Variants in CDKAL1 observed in about 807,000 individuals in gnomAD.
CDKAL1 encodes CDKAL1 threonylcarbamoyladenosine tRNA methylthiotransferase.
CDKAL1 carries 32 observed loss-of-function variants against 68.2 expected under a neutral mutation model. The observed-to-expected ratio is 0.47, with a 90% confidence interval of 0.35 to 0.63. CDKAL1 has a LOEUF of 0.63. Among genes scored for constraint, CDKAL1 ranks in the 30% least tolerant of loss-of-function variants. The pLI, the probability that CDKAL1 is intolerant of heterozygous loss-of-function variation, is 0.00. For synonymous variants in CDKAL1, 234 were observed against 244.3 expected (o/e 0.96, Z 0.39); for missense variants, 606 against 696.7 (o/e 0.87, Z 1.47).
At chr6:20,996,390 C>A (rs1206864750) in intron 10 of CDKAL1, among the ~76,000 whole-genome samples, 1 of 152,192 alleles carries the variant, frequency 6.6e-6, no homozygotes, top group Non-Finnish European at 1.5e-5. Context: ...AAGGTTAATG[C>A]CTTCTAGCTT....
intron 11 of CDKAL1, among the ~76,000 whole-genome samples, chr6:21,052,543 T>TG (rs1298456448): frequency 4.0e-5 from 6 of 151,194 alleles, no homozygotes; most frequent in Non-Finnish European, 8.9e-5. Context: ...GGTTGTTTTT[T>TG]TTTTTTTTTT....
intron 9 of CDKAL1, among the ~76,000 whole-genome samples, chr6:20,885,967 G>T (rs1761047597): frequency 6.6e-6 from 1 of 151,954 alleles, no homozygotes; most frequent in Admixed American, 6.6e-5. Flanking sequence ...GAACCAGGAG[G>T]GAGAGGTTGC....
chr6:20,995,407 T>G (rs1767050335), intron 10 of CDKAL1, among the ~76,000 whole-genome samples: 1 of 152,214 alleles, frequency 6.6e-6, no homozygotes, highest in African/African-American at 2.4e-5. Flanking sequence ...AAAAATGTAT[T>G]TCTTATATAA....
chr6:21,179,560 G>A lies in CDKAL1; in HGVS notation c.1300-18461G>A, dbSNP rs182879641. 2.6e-3 allele frequency among the ~76,000 whole-genome samples: 402 copies of A among 152,190 alleles called. 1 individual carries two copies. Among genetic ancestry groups the A allele is most frequent in the Non-Finnish European group, 3.9e-3 (268 of 68,002 alleles). On this transcript the variant is annotated intron_variant, in intron 13 of 15. Coordinates refer to ENST00000274695, the MANE Select transcript of CDKAL1 (RefSeq NM_017774.3). ...GCTTTCTCTCAAGCTAAAGAATTTGGAAAGACTTGTTTATTCATTATATAT... is the reference window on the plus strand; with the variant it reads ...GCTTTCTCTCAAGCTAAAGAATTTGAAAAGACTTGTTTATTCATTATATAT...
intron 9 of CDKAL1, among the ~76,000 whole-genome samples, chr6:20,934,810 T>C (rs952922517): frequency 6.6e-6 from 1 of 152,030 alleles, no homozygotes; most frequent in Admixed American, 6.6e-5. Flanking sequence ...ATCACGCCAC[T>C]GTACTCCAGC....
Position 20,689,583 on chromosome 6 carries a change from G to A in CDKAL1, c.371+40206G>A, listed in dbSNP as rs931299188. Among the ~76,000 whole-genome samples the A allele has an allele frequency of 3.3e-5, 5 of 152,156 alleles. No homozygotes were observed. The East Asian group carries it at 9.6e-4, about 29-fold the overall frequency. ...TTCTCAGATGCTGAACTGGAAACCT[G>A]AAGTCCCCACAACCATTTTTAGGGG... On this transcript the variant is annotated intron_variant, in intron 5 of 15. Coordinates refer to ENST00000274695, the MANE Select transcript of CDKAL1 (RefSeq NM_017774.3).
chr6:20,554,810 G>T (rs1474313900), intron 4 of CDKAL1, among the ~76,000 whole-genome samples: 1 of 152,166 alleles, frequency 6.6e-6, no homozygotes, highest in Non-Finnish European at 1.5e-5. Context: ...TTAGTTTGCA[G>T]CCATGCCTGG....
chr6:20,828,480 C>A (rs2150457504), intron 8 of CDKAL1, among the ~76,000 whole-genome samples: 1 of 152,220 alleles, frequency 6.6e-6, no homozygotes, highest in Non-Finnish European at 1.5e-5. Flanking sequence ...CCACCTGCCT[C>A]AGCCTCCCAA....
At chr6:21,123,177 G>A (rs1422770385) in intron 13 of CDKAL1, among the ~76,000 whole-genome samples, 3 of 152,056 alleles carry the variant, frequency 2.0e-5, no homozygotes, top group Non-Finnish European at 2.9e-5. Flanking sequence ...ACAGTGGCTG[G>A]GCACGGCATT....
intron 11 of CDKAL1, 85 bp downstream of exon 11, chr6:21,000,457 A>G: frequency 8.4e-7 from 1 of 1,197,440 alleles, no homozygotes; most frequent in Non-Finnish European, 1.2e-6. Flanking sequence ...GCAGCCTTAC[A>G]ATTAAAGGTA....
At chr6:20,611,496 G>A (rs1766615453) in intron 4 of CDKAL1, among the ~76,000 whole-genome samples, 1 of 152,122 alleles carries the variant, frequency 6.6e-6, no homozygotes, top group Non-Finnish European at 1.5e-5. Context: ...CTGTGACCCA[G>A]AATGAACATG....
intron 9 of CDKAL1, among the ~76,000 whole-genome samples, chr6:20,850,787 G>A (rs1758964633): frequency 6.6e-6 from 1 of 152,144 alleles, no homozygotes; most frequent in African/African-American, 2.4e-5. Flanking sequence ...GAGACTAAAG[G>A]CTAACCCAAA....
intron 13 of CDKAL1, among the ~76,000 whole-genome samples, chr6:21,131,068 C>T (rs1377899079): frequency 6.6e-6 from 1 of 152,156 alleles, no homozygotes; most frequent in Non-Finnish European, 1.5e-5. Context: ...AAAACAGTTA[C>T]AAAACAGTAG....
chr6:21,149,897 A>G (rs2168985), intron 13 of CDKAL1, among the ~76,000 whole-genome samples: 53,350 of 151,902 alleles, frequency 0.35, 9,756 homozygotes, highest in African/African-American at 0.46. Flanking sequence ...TTGCTCTGGC[A>G]CCCAGGCTGG....
intron 4 of CDKAL1, among the ~76,000 whole-genome samples, chr6:20,646,048 AT>A (rs1171622769): frequency 5.7e-4 from 50 of 87,396 alleles, no homozygotes; most frequent in African/African-American, 7.8e-4. Flanking sequence ...TCACGGTTAA[AT>A]TTTTTTTTTT....
chr6:20,654,006 C>T (rs1260663500), intron 5 of CDKAL1, among the ~76,000 whole-genome samples: 1 of 152,168 alleles, frequency 6.6e-6, no homozygotes, highest in Non-Finnish European at 1.5e-5. Flanking sequence ...CTTGGCCTCC[C>T]AAAGTGTTGG....
Position 21,231,122 on chromosome 6 carries a change from C to A in CDKAL1, c.*83C>A. 3.6e-6 allele frequency: 4 copies of A among 1,102,780 alleles called. No homozygotes were observed. The highest frequency in any genetic ancestry group is 5.2e-6 in the Non-Finnish European group (4 of 770,800). 68.3% of individuals were successfully genotyped at this position (1,102,780 alleles called of 1,614,324 possible). Reference sequence around the variant, plus strand: ...TGAACAGGAAAGCGACATCTCCATTCTCCAAGGGCAATAATTTGTACTGGT... The same window carrying A: ...TGAACAGGAAAGCGACATCTCCATTATCCAAGGGCAATAATTTGTACTGGT... On this transcript the variant is annotated 3_prime_UTR_variant, in exon 16 of 16. Coordinates refer to ENST00000274695, the MANE Select transcript of CDKAL1 (RefSeq NM_017774.3).
chr6:21,052,628 C>A (rs995591870), intron 11 of CDKAL1, among the ~76,000 whole-genome samples: 3 of 151,386 alleles, frequency 2.0e-5, no homozygotes, highest in African/African-American at 7.3e-5. Flanking sequence ...TTTCCTTGGC[C>A]TCCGAAAGTG....
chr6:21,146,317 A>C (rs1016498101), intron 13 of CDKAL1, among the ~76,000 whole-genome samples: 1 of 152,298 alleles, frequency 6.6e-6, no homozygotes, highest in Non-Finnish European at 1.5e-5. Context: ...GTGGAGTACC[A>C]TTCTTCATAA....
Sources: allele counts gnomAD v4.1 joint callset (sites outside exome capture counted in the v4.1 genomes callset), GRCh38; gene constraint gnomAD v4.1.1; transcripts MANE v1.5; gene names NCBI Gene and HGNC (gene_info 2026-07-23, HGNC 2026-07-21).